Variants in NTM observed in about 807,000 individuals in gnomAD.
NTM encodes the protein IgLON family member 2.
A neutral mutation model predicts 42.1 loss-of-function variants in NTM; 13 were observed. The observed-to-expected ratio is 0.31, with a 90% CI of 0.20 to 0.49. The LOEUF is 0.49. Among genes scored for constraint, NTM ranks in the 20% least tolerant of loss-of-function variants. The pLI is 0.99. For missense variants in NTM, 373 were observed against 452.8 expected, an observed-to-expected ratio of 0.82 and a Z score of 1.60; for synonymous variants, 187 against 179.2, an observed-to-expected ratio of 1.04 and a Z score of -0.35.
intron 4 of NTM, among the ~76,000 whole-genome samples, chr11:132,306,708 G>T (rs182636627): frequency 6.6e-6 from 1 of 152,132 alleles, no homozygotes; most frequent in African/African-American, 2.4e-5. Flanking sequence ...AGGTATCCAG[G>T]TTTAGGATGC....
intron 1 of NTM, among the ~76,000 whole-genome samples, chr11:131,846,278 A>C (rs2044890974): frequency 6.6e-6 from 1 of 152,164 alleles, no homozygotes; most frequent in South Asian, 2.1e-4. Flanking sequence ...TAAGAGAGGC[A>C]TAAGAGTTTT....
At chr11:131,453,307 C>T (rs1950618279) in intron 1 of NTM, among the ~76,000 whole-genome samples, 1 of 152,078 alleles carries the variant, frequency 6.6e-6, no homozygotes, top group Non-Finnish European at 1.5e-5. Context: ...GCAACTTCCC[C>T]GTATGTGCCT....
At chr11:131,703,139 G>C (rs544880315) in intron 1 of NTM, among the ~76,000 whole-genome samples, 1 of 152,246 alleles carries the variant, frequency 6.6e-6, no homozygotes, top group East Asian at 1.9e-4. Flanking sequence ...AATAAGTTCT[G>C]GTGTTCCATT....
At position 132,330,133 on chromosome 11, in the gene NTM, T is replaced by G. The variant is rs1448040925; in HGVS notation, c.935-20T>G. The G allele has an allele frequency of 6.4e-7, 1 of 1,551,684 alleles. No homozygotes were observed. Among genetic ancestry groups the G allele is most frequent in the Non-Finnish European group, 8.7e-7 (1 of 1,146,970 alleles). ...GTCTGCTTTCGACCTTAACAGTGGC[T>G]TGTTTTTAATTTCTTTTAGAAGTGA... On this transcript the variant is annotated intron_variant, in intron 7 of 8. Coordinates refer to ENST00000683400, the MANE Select transcript of NTM (RefSeq NM_001352005.2).
chr11:132,228,535 T>G (rs947780276), intron 4 of NTM, among the ~76,000 whole-genome samples: 1 of 152,174 alleles, frequency 6.6e-6, no homozygotes, highest in Non-Finnish European at 1.5e-5. Flanking sequence ...GGAAAGCCAG[T>G]TGATTGATAG....
intron 1 of NTM, among the ~76,000 whole-genome samples, chr11:131,445,518 G>C (rs916781863): frequency 2.6e-5 from 4 of 152,230 alleles, no homozygotes; most frequent in Non-Finnish European, 5.9e-5. Context: ...AGATAGGGCT[G>C]TGACCTTGTG....
At chr11:131,374,183 T>C (rs543400774) in intron 1 of NTM, among the ~76,000 whole-genome samples, 1 of 152,338 alleles carries the variant, frequency 6.6e-6, no homozygotes, top group African/African-American at 2.4e-5. Flanking sequence ...CCTCATCGAA[T>C]GGAACCTGCC....
In NTM at chr11:132,270,291, G is replaced by T. The variant is rs114393599; in HGVS notation, c.527-37398G>T. Among the ~76,000 whole-genome samples the T allele has an allele frequency of 4.3e-3, 650 of 152,230 alleles. 8 individuals are homozygous for T. The highest frequency in any genetic ancestry group is 0.015 in the African/African-American group (603 of 41,532). On this transcript the variant is annotated intron_variant, in intron 4 of 8. Transcript: ENST00000683400. ...CGTTTGCCCAGGTTGGAGTGCAATA[G>T]CACGATATCGGCTCACTGCAACCTT...
chr11:131,865,654 C>T (rs1335772089), intron 1 of NTM, among the ~76,000 whole-genome samples: 2 of 152,152 alleles, frequency 1.3e-5, no homozygotes, highest in Non-Finnish European at 2.9e-5. Context: ...GGTGCACACA[C>T]ACAGGTACAC....
At position 132,013,811 on chromosome 11, in the gene NTM, G is replaced by C. The variant is rs535214626; in HGVS notation, c.167+102163G>C. ...CATATGATATTTTGTTACGTGTATA[G>C]AATGTGTAGTGATCAAGTTGGGGGG... is the stretch of plus-strand genomic sequence containing the variant. On this transcript the variant is annotated intron_variant, in intron 2 of 8. Coordinates refer to ENST00000683400, the MANE Select transcript of NTM (RefSeq NM_001352005.2). 1.2e-3 allele frequency among the ~76,000 whole-genome samples: 180 copies of C among 152,182 alleles called. 4 individuals are homozygous for C. Among genetic ancestry groups the C allele is most frequent in the South Asian group, 1.7e-3 (8 of 4,816 alleles).
At chr11:132,230,883 G>T (rs1250670515) in intron 4 of NTM, among the ~76,000 whole-genome samples, 1 of 152,182 alleles carries the variant, frequency 6.6e-6, no homozygotes, top group Non-Finnish European at 1.5e-5. Context: ...AATCAGCTGG[G>T]TGTGGTGATG....
At chr11:131,799,373 G>A (rs1373643269) in intron 1 of NTM, among the ~76,000 whole-genome samples, 1 of 152,118 alleles carries the variant, frequency 6.6e-6, no homozygotes, top group Non-Finnish European at 1.5e-5. Flanking sequence ...TTGAGCTAAT[G>A]GGCATCTTCA....
intron 1 of NTM, among the ~76,000 whole-genome samples, chr11:131,725,067 G>T (rs1219304553): frequency 6.6e-6 from 1 of 152,132 alleles, no homozygotes; most frequent in Non-Finnish European, 1.5e-5. Context: ...TCATCGTGAT[G>T]CAAGGCACTG....
At chr11:131,557,583 A>G (rs1037858414) in intron 1 of NTM, among the ~76,000 whole-genome samples, 1 of 152,190 alleles carries the variant, frequency 6.6e-6, no homozygotes, top group Non-Finnish European at 1.5e-5. Context: ...TCTAACCTGG[A>G]AGACACATTT....
Position 131,591,211 on chromosome 11 carries a change from TC to T in NTM, c.82+220327del, listed in dbSNP as rs1339650041. On this transcript the variant is annotated intron_variant, in intron 1 of 8. Transcript: ENST00000683400. ...GGTTCTCTGCTCGCTGCTCTCATCT[TC>T]CCCATGTCACTCACTCATCGCAGAA... Among the ~76,000 whole-genome samples, 3 of 152,272 alleles carry T rather than the reference TC, an allele frequency of 2.0e-5. No individual in the cohort carries two copies. In the East Asian group the frequency reaches 5.8e-4, roughly 29 times the overall value.
At chr11:132,310,838 T>C (rs958542740) in intron 6 of NTM, among the ~76,000 whole-genome samples, 2 of 152,180 alleles carry the variant, frequency 1.3e-5, no homozygotes, top group Non-Finnish European at 2.9e-5. Flanking sequence ...AAGATGATCA[T>C]TTCCAGGCTT....
At chr11:131,649,600 G>T (rs997107621) in intron 1 of NTM, among the ~76,000 whole-genome samples, 3 of 152,098 alleles carry the variant, frequency 2.0e-5, no homozygotes, top group Non-Finnish European at 4.4e-5. Context: ...GTTCCATAAG[G>T]TCAAGGAGTT....
chr11:131,673,103 G>A (rs1055997698), intron 1 of NTM, among the ~76,000 whole-genome samples: 14 of 151,938 alleles, frequency 9.2e-5, no homozygotes, highest in African/African-American at 3.4e-4. Context: ...CCTAAAAATA[G>A]ATGGGGATGG....
chr11:131,489,576 G>T (rs1954547127), intron 1 of NTM, among the ~76,000 whole-genome samples: 1 of 152,160 alleles, frequency 6.6e-6, no homozygotes, highest in African/African-American at 2.4e-5. Flanking sequence ...TCTTAAGAAG[G>T]TATCCTTCAG....
Sources: gnomAD v4.1 joint callset for allele counts (sites outside exome capture counted in the v4.1 genomes callset) on GRCh38, gnomAD v4.1.1 for gene constraint, MANE v1.5 for transcripts, NCBI Gene and HGNC (gene_info 2026-07-23, HGNC 2026-07-21) for gene names.